The following LRIG1 variants were observed in gnomAD, a reference collection of about 807,000 sequenced individuals.
LRIG1 encodes the protein leucine-rich repeats and immunoglobulin-like domains protein 1.
Under a neutral mutation model 99.2 loss-of-function variants are expected in LRIG1, and 48 were observed. The ratio of observed to expected loss-of-function variants is 0.48; its 90% confidence interval spans 0.38 to 0.62. The LOEUF (loss-of-function observed/expected upper bound fraction) is 0.62, where lower values mean the gene tolerates loss of function less well. LRIG1 is among the 20% of genes least tolerant of loss of function. The pLI is 0.00. For synonymous variants in LRIG1, 772 were observed against 596.1 expected, an observed-to-expected ratio of 1.29 and a Z score of -4.30; for missense variants, 1,646 against 1,434.4, an observed-to-expected ratio of 1.15 and a Z score of -2.38.
rs1476436207 is a variant in LRIG1, at chr3:66,404,151, G to T, written c.1160+1047C>A. The T allele has an allele frequency of 1.2e-5, 10 of 844,228 alleles. No individual in the cohort carries two copies. In the African/African-American group the frequency reaches 1.6e-4, roughly 13 times the overall value. 52.3% of individuals were successfully genotyped at this position (844,228 alleles called of 1,614,324 possible). On this transcript the variant is annotated intron_variant, in intron 9 of 18. Transcript: ENST00000273261. Reference sequence around the variant, plus strand: ...AGCCAACAGAGCTTATTCCTAAGCAGGACCCTTGTATATAAAAGGTGCAAA... The same window carrying T: ...AGCCAACAGAGCTTATTCCTAAGCATGACCCTTGTATATAAAAGGTGCAAA...
At chr3:66,383,501 A>C in intron 14 of LRIG1, 100 bp from the exon 15 acceptor site, 1 of 1,064,456 alleles carries the variant, frequency 9.4e-7, no homozygotes. Context: ...TATCAATGAG[A>C]TGCATCTGAG....
Position 66,379,183 on chromosome 3 carries a change from G to C in LRIG1, c.*1080C>G, listed in dbSNP as rs1700880454. 1 of 152,618 alleles carries C rather than the reference G, an allele frequency of 6.6e-6. No individual in the cohort carries two copies. Among genetic ancestry groups the C allele is most frequent in the Admixed American group, 6.5e-5 (1 of 15,280 alleles). 9.5% of individuals were successfully genotyped at this position (152,618 alleles called of 1,614,324 possible). On this transcript the variant is annotated 3_prime_UTR_variant, in exon 19 of 19. Transcript: ENST00000273261. ...GCACTCATAAGATGGTTAGCTACCA[G>C]TCTCAAAAGTGCAAATTATACCCAG... is the stretch of plus-strand genomic sequence containing the variant.
chr3:66,493,802 GAAAA>G (rs1427763398), intron 1 of LRIG1, among the ~76,000 whole-genome samples: 1 of 90,982 alleles, frequency 1.1e-5, no homozygotes, highest in African/African-American at 4.3e-5. Context: ...TCGAAAGAAA[GAAAA>G]GAAAGAAAGA....
Position 66,414,996 on chromosome 3 carries a change from G to C in LRIG1, c.571C>G (p.Leu191Val), listed in dbSNP as rs771249690. The C allele has an allele frequency of 1.2e-6, 2 of 1,613,358 alleles. No individual in the cohort carries two copies. The highest frequency in any genetic ancestry group is 1.7e-6 in the Non-Finnish European group (2 of 1,179,584). ...GAFDGLSRSL[L>V]TLRLSKNRIT... Reference sequence around the variant, plus strand: ...CTGTTTTTGCTCAGGCGAAGAGTTAGCAGCGACCGTGACAGACCATCAAAT... The same window carrying C: ...CTGTTTTTGCTCAGGCGAAGAGTTACCAGCGACCGTGACAGACCATCAAAT... Residue 191 changes from leucine (L) to valine (V), a missense_variant, in exon 5 of 19, where the codon CTA becomes GTA. Leu to Val is a conservative substitution (Grantham distance 32). Transcript: ENST00000273261.
At chr3:66,391,697 G>A (rs1701625506) in intron 12 of LRIG1, among the ~76,000 whole-genome samples, 1 of 151,870 alleles carries the variant, frequency 6.6e-6, no homozygotes, top group South Asian at 2.1e-4. Flanking sequence ...TAATAGTGAT[G>A]GTTACACAGT....
At chr3:66,468,947 A>G (rs982483471) in intron 1 of LRIG1, 19 of 152,246 alleles carry the variant, frequency 1.2e-4, no homozygotes, top group Non-Finnish European at 2.1e-4. Flanking sequence ...AAAGAGAATA[A>G]GACTTCGTTC....
intron 1 of LRIG1, among the ~76,000 whole-genome samples, chr3:66,480,317 AG>A (rs776769904): frequency 6.6e-6 from 1 of 152,210 alleles, no homozygotes; most frequent in South Asian, 2.1e-4. Flanking sequence ...AAGGATAGGC[AG>A]GGAGTGCTAA....
intron 1 of LRIG1, among the ~76,000 whole-genome samples, chr3:66,473,937 A>C (rs776045735): frequency 6.6e-6 from 1 of 152,214 alleles, no homozygotes; most frequent in East Asian, 1.9e-4. Flanking sequence ...TTCTTTCTGC[A>C]GTACTAAGAC....
rs1297343873 is a variant in LRIG1, at chr3:66,493,838, AG to A, written c.218+6351del. On this transcript the variant is annotated intron_variant, in intron 1 of 18. Coordinates refer to ENST00000273261, the MANE Select transcript of LRIG1 (RefSeq NM_015541.3). ...AAGAAAGGAAAGAAAGAAAAAAAAG[AG>A]AGAGAGAGAGAAAGAGAAAGAAAGG... 3.8e-3 allele frequency among the ~76,000 whole-genome samples: 550 copies of A among 144,920 alleles called. 2 individuals are homozygous for A. Among genetic ancestry groups the A allele is most frequent in the African/African-American group, 0.013 (507 of 39,686 alleles).
intron 7 of LRIG1, among the ~76,000 whole-genome samples, chr3:66,407,744 G>T (rs1293802311): frequency 5.3e-5 from 8 of 152,192 alleles, no homozygotes; most frequent in Admixed American, 4.6e-4. Context: ...CAGGGGCCAG[G>T]GTGGCTGTTA....
chr3:66,457,606 T>C lies in LRIG1; in HGVS notation c.290+4832A>G, dbSNP rs185171662. On this transcript the variant is annotated intron_variant, in intron 2 of 18. Transcript: ENST00000273261. ...TGCAAGGCCCTGTGCATCATCTTAATAACTACAGTAACACCAACAATGTGT... is the reference window on the plus strand; with the variant it reads ...TGCAAGGCCCTGTGCATCATCTTAACAACTACAGTAACACCAACAATGTGT... Among the ~76,000 whole-genome samples, 296 of 152,282 alleles carry C rather than the reference T, an allele frequency of 1.9e-3. 4 individuals are homozygous for C. The highest frequency in any genetic ancestry group is 0.015 in the South Asian group (70 of 4,824).
chr3:66,464,349 G>C (rs1252403274), intron 1 of LRIG1, among the ~76,000 whole-genome samples: 3 of 152,140 alleles, frequency 2.0e-5, no homozygotes, highest in Non-Finnish European at 2.9e-5. Flanking sequence ...AGCCTGCCCT[G>C]TGTGTAACAA....
intron 3 of LRIG1, among the ~76,000 whole-genome samples, chr3:66,441,840 A>G (rs934264163): frequency 6.6e-6 from 1 of 152,178 alleles, no homozygotes; most frequent in African/African-American, 2.4e-5. Flanking sequence ...ACAGGATCCA[A>G]CTTTGATGCT....
At chr3:66,476,651 A>C (rs1232144541) in intron 1 of LRIG1, among the ~76,000 whole-genome samples, 1 of 152,212 alleles carries the variant, frequency 6.6e-6, no homozygotes, top group Non-Finnish European at 1.5e-5. Context: ...GCACTAGAAA[A>C]AGATGGCTGT....
chr3:66,454,484 G>T (rs1035960918), intron 2 of LRIG1, among the ~76,000 whole-genome samples: 1 of 152,106 alleles, frequency 6.6e-6, no homozygotes, highest in Admixed American at 6.5e-5. Flanking sequence ...CGATTGTACA[G>T]TCTTCTCTCA....
rs1700479253 is a variant in LRIG1, at chr3:66,466,634, A to G, written c.219-4125T>C. On this transcript the variant is annotated intron_variant, in intron 1 of 18. Coordinates refer to ENST00000273261, the MANE Select transcript of LRIG1 (RefSeq NM_015541.3). ...CCCATCTGAGATCCCAAGAACAATCAAAGAGTTAATCAGTGAAAATCTTTA... is the reference window on the plus strand; with the variant it reads ...CCCATCTGAGATCCCAAGAACAATCGAAGAGTTAATCAGTGAAAATCTTTA... Among the ~76,000 whole-genome samples the G allele has an allele frequency of 2.0e-5, 3 of 152,342 alleles. 1 individual carries two copies. Among genetic ancestry groups the G allele is most frequent in the Non-Finnish European group, 4.4e-5 (3 of 68,042 alleles).
intron 1 of LRIG1, among the ~76,000 whole-genome samples, chr3:66,484,388 C>G (rs1285087081): frequency 6.6e-6 from 1 of 152,142 alleles, no homozygotes; most frequent in Non-Finnish European, 1.5e-5. Flanking sequence ...AGCTTACAGA[C>G]TAATGGGGTA....
chr3:66,398,347 A>ATGAC (rs1453239506), intron 10 of LRIG1, among the ~76,000 whole-genome samples, 164 bp from the exon 11 acceptor site: 1 of 152,222 alleles, frequency 6.6e-6, no homozygotes, highest in African/African-American at 2.4e-5. Context: ...AGCCCATGGA[A>ATGAC]TGACTCAGGA....
Position 66,379,182 on chromosome 3 carries a change from AG to A in LRIG1, c.*1080del, listed in dbSNP as rs1700880593. The stretch of plus-strand genomic sequence containing the variant: ...GGCACTCATAAGATGGTTAGCTACC[AG>A]TCTCAAAAGTGCAAATTATACCCAG... On this transcript the variant is annotated 3_prime_UTR_variant, in exon 19 of 19. Coordinates refer to ENST00000273261, the MANE Select transcript of LRIG1 (RefSeq NM_015541.3). 1 of 152,654 alleles carries A rather than the reference AG, an allele frequency of 6.6e-6. No homozygotes were observed. The highest frequency in any genetic ancestry group is 2.4e-5 in the African/African-American group (1 of 41,458). The allele number at this position is 152,654 out of a possible 1,614,324, so 9.5% of individuals were successfully genotyped here.
Sources: gnomAD v4.1 joint callset for allele counts (sites outside exome capture counted in the v4.1 genomes callset) on GRCh38, gnomAD v4.1.1 for gene constraint, MANE v1.5 for transcripts, NCBI Gene and HGNC (gene_info 2026-07-23, HGNC 2026-07-21) for gene names.